Variants in ZBTB5 observed in about 807,000 individuals in gnomAD.
The protein encoded by ZBTB5 is zinc finger and BTB domain-containing protein 5.
In ZBTB5, 15 loss-of-function variants were observed where a neutral mutation model predicts 37.9. The ratio of observed to expected loss-of-function variants is 0.40; its 90% confidence interval spans 0.26 to 0.61. The LOEUF is 0.61. Ranked by LOEUF, ZBTB5 falls within the 20% of genes least tolerant of loss-of-function variation. The pLI, the probability that ZBTB5 is intolerant of heterozygous loss-of-function variation, is 0.47. For missense variants in ZBTB5, 708 were observed against 856.8 expected (o/e 0.83, Z 2.17); for synonymous variants, 315 against 312.4 (o/e 1.01, Z -0.09).
At chr9:37,445,679 A>C (rs1198761808) in intron 1 of ZBTB5, among the ~76,000 whole-genome samples, 1 of 152,096 alleles carries the variant, frequency 6.6e-6, no homozygotes, top group East Asian at 1.9e-4. Context: ...ATGGAAGTCA[A>C]TAGTGGAAGA....
intron 1 of ZBTB5, among the ~76,000 whole-genome samples, chr9:37,463,359 G>T (rs1824328646): frequency 6.6e-6 from 1 of 151,940 alleles, no homozygotes; most frequent in Non-Finnish European, 1.5e-5. Context: ...TACAGTAAAA[G>T]AAAAATCACA....
At chr9:37,459,666 C>G (rs1824254606) in intron 1 of ZBTB5, among the ~76,000 whole-genome samples, 1 of 151,080 alleles carries the variant, frequency 6.6e-6, no homozygotes, top group African/African-American at 2.4e-5. Flanking sequence ...CTGCCTCAGC[C>G]TCCCGAATAG....
intron 1 of ZBTB5, among the ~76,000 whole-genome samples, chr9:37,450,735 C>G (rs762354363): frequency 6.6e-6 from 1 of 151,788 alleles, no homozygotes; most frequent in Non-Finnish European, 1.5e-5. Flanking sequence ...CTTGGTGGCA[C>G]GTACCTGTAA....
chr9:37,446,105 T>C (rs2118938598), intron 1 of ZBTB5, among the ~76,000 whole-genome samples: 1 of 152,272 alleles, frequency 6.6e-6, no homozygotes, highest in Middle Eastern at 3.4e-3. Flanking sequence ...AGTCTCTGTC[T>C]CAAATAAATA....
chr9:37,451,855 ACTGGTTGGCAGGTCCAGGTGGGGCCAT>A (rs1367239294), intron 1 of ZBTB5, among the ~76,000 whole-genome samples: 2 of 152,082 alleles, frequency 1.3e-5, no homozygotes, highest in African/African-American at 4.8e-5. Context: ...GGAATACAGA[ACTGGTTGGCAGGTCCAGGTGGGGCCAT>A]CCAGTTGTCA....
In ZBTB5 at chr9:37,441,880, T is replaced by G. The variant is rs758796779; in HGVS notation, c.672A>C (p.Ser224=). 3.7e-6 allele frequency: 6 copies of G among 1,614,158 alleles called. No individual in the cohort carries two copies. The Admixed American group carries it at 1.0e-4, about 27-fold the overall frequency. ...ISDVTPENGP[S]GVHSREEFFS... is the part of the protein sequence containing the mutation. ...AGAACTCCTCCCGAGAATGAACCCC[T>G]GAAGGCCCATTCTCCGGTGTAACAT... The change falls in exon 2 of 2, where the codon TCA becomes TCC. Residue 224 remains serine (S), a synonymous_variant. Coordinates refer to ENST00000307750, the MANE Select transcript of ZBTB5 (RefSeq NM_014872.3).
intron 1 of ZBTB5, among the ~76,000 whole-genome samples, chr9:37,461,823 C>T (rs1824298980): frequency 6.6e-6 from 1 of 152,126 alleles, no homozygotes; most frequent in Admixed American, 6.5e-5. Context: ...AAAAAGTAGA[C>T]CTATCACTTA....
At chr9:37,447,044 G>A (rs1824003423) in intron 1 of ZBTB5, among the ~76,000 whole-genome samples, 1 of 152,226 alleles carries the variant, frequency 6.6e-6, no homozygotes, top group Non-Finnish European at 1.5e-5. Flanking sequence ...TAGACCCAGT[G>A]TATTAGTCTG....
chr9:37,447,807 C>CTT lies in ZBTB5; in HGVS notation c.-4-5254_-4-5253dup, dbSNP rs78707930. ...GGCACTAATATTCTGCTCAATGCTT[C>CTT]TTTTTTTTTTTTTTTAGATAAGCAA... is the stretch of plus-strand genomic sequence containing the variant. On this transcript the variant is annotated intron_variant, in intron 1 of 1. Coordinates refer to ENST00000307750, the MANE Select transcript of ZBTB5 (RefSeq NM_014872.3). Among the ~76,000 whole-genome samples, 207 of 139,162 alleles carry CTT rather than the reference C, an allele frequency of 1.5e-3. 1 individual carries two copies. Among genetic ancestry groups the CTT allele is most frequent in the African/African-American group, 5.0e-3 (188 of 37,738 alleles). 91.3% of individuals were successfully genotyped at this position (139,162 alleles called of 152,430 possible).
intron 1 of ZBTB5, among the ~76,000 whole-genome samples, chr9:37,455,472 T>A (rs1824170174): frequency 1.3e-5 from 2 of 152,196 alleles, no homozygotes; most frequent in East Asian, 3.9e-4. Context: ...ACTGAGCTGG[T>A]TAACACTTAA....
At chr9:37,455,316 C>T (rs1373393069) in intron 1 of ZBTB5, among the ~76,000 whole-genome samples, 1 of 152,108 alleles carries the variant, frequency 6.6e-6, no homozygotes, top group Non-Finnish European at 1.5e-5. Context: ...GATCATCTTC[C>T]CACTCCATCC....
intron 1 of ZBTB5, among the ~76,000 whole-genome samples, chr9:37,461,734 A>G (rs1020496180): frequency 1.3e-5 from 2 of 151,304 alleles, no homozygotes; most frequent in Non-Finnish European, 3.0e-5. Context: ...CCCTGTCTCA[A>G]AAAAAAAAGT....
intron 1 of ZBTB5, among the ~76,000 whole-genome samples, chr9:37,449,652 C>G (rs1050813561): frequency 1.4e-5 from 2 of 142,982 alleles, no homozygotes; most frequent in African/African-American, 5.3e-5. Flanking sequence ...TGAGCCAAGA[C>G]TGTACCACTG....
At chr9:37,461,294 G>A (rs542824787) in intron 1 of ZBTB5, among the ~76,000 whole-genome samples, 9 of 152,336 alleles carry the variant, frequency 5.9e-5, no homozygotes, top group African/African-American at 2.2e-4. Context: ...TGAAAGCCTT[G>A]TATTTTTAGA....
intron 1 of ZBTB5, among the ~76,000 whole-genome samples, chr9:37,446,219 A>C (rs1823975648): frequency 6.6e-6 from 1 of 152,252 alleles, no homozygotes. Flanking sequence ...AAATCTCCAA[A>C]ATTCACAAAT....
chr9:37,463,391 G>A (rs1824329379), intron 1 of ZBTB5, among the ~76,000 whole-genome samples: 1 of 152,080 alleles, frequency 6.6e-6, no homozygotes, highest in African/African-American at 2.4e-5. Context: ...GACAGAGGGG[G>A]AAAGTATTTA....
chr9:37,440,572 T>C lies in ZBTB5; in HGVS notation c.1980A>G (p.Ser660=). ...TCTGCCAGCGCAGGCAGGTAGTCTT[T>C]GAGTGCTTATACAGGTGGCTGGACT... is the stretch of plus-strand genomic sequence containing the variant. ...FSQSSHLYKH[S]KTTCLRWQSS... Residue 660 remains serine, a synonymous_variant, in exon 2 of 2, where the codon TCA becomes TCG. Coordinates refer to ENST00000307750, the MANE Select transcript of ZBTB5 (RefSeq NM_014872.3). 6.2e-7 allele frequency: 1 copy of C among 1,614,242 alleles called. No individual in the cohort carries two copies. The highest frequency in any genetic ancestry group is 8.5e-7 in the Non-Finnish European group (1 of 1,180,046).
chr9:37,447,807 C>CTTT (rs78707930), intron 1 of ZBTB5, among the ~76,000 whole-genome samples: 1 of 139,146 alleles, frequency 7.2e-6, no homozygotes, highest in African/African-American at 2.7e-5. Context: ...CTCAATGCTT[C>CTTT]TTTTTTTTTT....
intron 1 of ZBTB5, among the ~76,000 whole-genome samples, chr9:37,450,056 A>G (rs970896525): frequency 6.6e-6 from 1 of 152,076 alleles, no homozygotes; most frequent in Non-Finnish European, 1.5e-5. Context: ...TGATCAAACC[A>G]ATCTGTGGGC....
Sources: allele counts gnomAD v4.1 joint callset (sites outside exome capture counted in the v4.1 genomes callset), GRCh38; gene constraint gnomAD v4.1.1; transcripts MANE v1.5; gene names NCBI Gene and HGNC (gene_info 2026-07-23, HGNC 2026-07-21).